Variants in TTC28 observed in about 807,000 individuals in gnomAD.
TTC28 encodes the protein tetratricopeptide repeat protein 28.
In TTC28, 61 loss-of-function variants were observed where a neutral mutation model predicts 198.0. The ratio of observed to expected loss-of-function variants is 0.31; its 90% confidence interval spans 0.25 to 0.38. TTC28 has a LOEUF of 0.38. Ranked by LOEUF, TTC28 falls within the 10% of genes least tolerant of loss-of-function variation. The pLI is 1.00. For missense variants in TTC28, 2,678 were observed against 3,164.0 expected, an observed-to-expected ratio of 0.85 and a Z score of 3.69; for synonymous variants, 1,171 against 1,297.8, an observed-to-expected ratio of 0.90 and a Z score of 2.10.
In TTC28 at chr22:28,222,413, G is replaced by A. The variant is rs547011711; in HGVS notation, c.934-58814C>T. On this transcript the variant is annotated intron_variant, in intron 5 of 22. Transcript: ENST00000397906. ...GATTTTAAGTCCCTATCCTTTTGCT[G>A]ACAAGAAAAACATGTCTTGGCACTT... Among the ~76,000 whole-genome samples, 36 of 152,294 alleles carry A rather than the reference G, an allele frequency of 2.4e-4. No homozygotes were observed. In the South Asian group the frequency reaches 3.5e-3, roughly 15 times the overall value.
Position 28,273,443 on chromosome 22 carries a change from C to CA in TTC28, c.933+22754dup, listed in dbSNP as rs537755097. Among the ~76,000 whole-genome samples, 643 of 150,408 alleles carry CA rather than the reference C, an allele frequency of 4.3e-3. 3 individuals carry two copies. The highest frequency in any genetic ancestry group is 0.015 in the African/African-American group (616 of 40,904). On this transcript the variant is annotated intron_variant, in intron 5 of 22. Transcript: ENST00000397906. ...TGTTAAAAAAAAGAAATTGAAATTC[C>CA]AAAAAAATAACTAAAATTAACAATG... is the stretch of plus-strand genomic sequence containing the variant.
rs150266760 is a variant in TTC28 at position 28,607,254 on chromosome 22, G to C, written c.381+22298C>G. Among the ~76,000 whole-genome samples the C allele has an allele frequency of 1.8e-3, 278 of 152,232 alleles. 3 individuals are homozygous for C. The highest frequency in any genetic ancestry group is 6.4e-3 in the African/African-American group (267 of 41,526). ...TTCATTTCCTTATGAAGGCTCTCAT[G>C]TCATGTAAAACTTGGGTTAAATACA... On this transcript the variant is annotated intron_variant, in intron 2 of 22. Transcript: ENST00000397906.
At chr22:28,098,858 G>A (rs561257432) in intron 10 of TTC28, 57 bp downstream of exon 10, 58 of 1,524,188 alleles carry the variant, frequency 3.8e-5, no homozygotes, top group Middle Eastern at 3.8e-4. Flanking sequence ...ACACATGGAC[G>A]CGCACCCGTG....
chr22:28,074,390 G>A (rs1941099005), intron 12 of TTC28, among the ~76,000 whole-genome samples: 1 of 152,212 alleles, frequency 6.6e-6, no homozygotes, highest in African/African-American at 2.4e-5. Context: ...AGGACTGAAT[G>A]TCTGAATTAA....
Position 28,108,318 on chromosome 22 carries a change from A to C in TTC28, c.1527T>G (p.Asp509Glu). Residue 509 changes from aspartate to glutamate, a missense_variant, in exon 7 of 23, where the codon GAT becomes GAG. Physicochemically the swap from Asp to Glu is conservative, Grantham distance 45. Around this residue, in one of 8 missense-constraint regions of TTC28, gnomAD observed 775 missense variants for 845.9 expected, o/e 0.92. Coordinates refer to ENST00000397906, the MANE Select transcript of TTC28 (RefSeq NM_001145418.2). ...THLCIAQELS[D>E]YAAQGRAYGN... The stretch of plus-strand genomic sequence containing the variant: ...CATAGGCACGGCCCTGGGCAGCATA[A>C]TCACTCAGCTCCTGGGCAATGCACA... The C allele has an allele frequency of 6.5e-7, 1 of 1,527,084 alleles. No individual in the cohort carries two copies. The highest frequency in any genetic ancestry group is 8.9e-7 in the Non-Finnish European group (1 of 1,129,824). The allele number at this position is 1,527,084 out of a possible 1,614,324, so 94.6% of individuals were successfully genotyped here. A position where few individuals can be genotyped will look rare whatever the true frequency, so the allele number is the denominator to read the frequency against.
At chr22:28,058,498 A>C (rs73427712) in intron 12 of TTC28, among the ~76,000 whole-genome samples, 7,441 of 152,136 alleles carry the variant, frequency 0.049, 597 homozygotes, top group African/African-American at 0.17. Context: ...ATAAAGCTAC[A>C]TGGTCATGCT....
intron 5 of TTC28, among the ~76,000 whole-genome samples, chr22:28,288,419 G>A (rs191441006): frequency 5.9e-5 from 9 of 152,234 alleles, no homozygotes; most frequent in East Asian, 1.9e-4. Flanking sequence ...AAATAAGTGC[G>A]ATGCTCATCA....
intron 12 of TTC28, among the ~76,000 whole-genome samples, chr22:28,061,775 G>A (rs1019280950): frequency 7.2e-5 from 11 of 152,316 alleles, no homozygotes; most frequent in Middle Eastern, 3.4e-3. Flanking sequence ...GTAGCTTGAT[G>A]GGGATAGCAT....
chr22:28,436,943 T>C (rs2047529115), intron 2 of TTC28, among the ~76,000 whole-genome samples: 1 of 152,204 alleles, frequency 6.6e-6, no homozygotes. Flanking sequence ...TAAACTACAA[T>C]ACGCCACAAC....
At chr22:28,138,697 C>G (rs767883993) in intron 6 of TTC28, among the ~76,000 whole-genome samples, 4 of 152,156 alleles carry the variant, frequency 2.6e-5, no homozygotes, top group Non-Finnish European at 4.4e-5. Context: ...ATAGAAAACC[C>G]CACAGGCAGT....
At chr22:28,086,868 G>A (rs1248700506) in intron 12 of TTC28, among the ~76,000 whole-genome samples, 1 of 151,952 alleles carries the variant, frequency 6.6e-6, no homozygotes, top group East Asian at 1.9e-4. Flanking sequence ...TACCATCAGA[G>A]AATACTACAA....
intron 2 of TTC28, among the ~76,000 whole-genome samples, chr22:28,444,611 TAC>T (rs1274335940): frequency 6.6e-6 from 1 of 152,148 alleles, no homozygotes; most frequent in East Asian, 1.9e-4. Context: ...AGGAAGGTCT[TAC>T]AGTTCCATTT....
At chr22:28,306,473 C>T in intron 3 of TTC28, 23 bp downstream of exon 3, 1 of 1,543,950 alleles carries the variant, frequency 6.5e-7, no homozygotes, top group South Asian at 1.2e-5. Flanking sequence ...TAATGTTATA[C>T]CAAGTACTTT....
intron 2 of TTC28, among the ~76,000 whole-genome samples, chr22:28,436,712 G>A (rs191334643): frequency 1.1e-4 from 17 of 152,316 alleles, no homozygotes; most frequent in African/African-American, 4.1e-4. Flanking sequence ...CACACTAAGA[G>A]CTAGGTGCCA....
At position 28,574,353 on chromosome 22, in the gene TTC28, TTG is replaced by T. The variant is rs145439302; in HGVS notation, c.381+55197_381+55198del. Among the ~76,000 whole-genome samples, 459 of 147,888 alleles carry T rather than the reference TTG, an allele frequency of 3.1e-3. 2 individuals carry two copies. The highest frequency in any genetic ancestry group is 8.2e-3 in the African/African-American group (336 of 40,754). On this transcript the variant is annotated intron_variant, in intron 2 of 22. Coordinates refer to ENST00000397906, the MANE Select transcript of TTC28 (RefSeq NM_001145418.2). ...TTGTGGCCGAATAGTACTCCACTGT[TTG>T]TGTGTGTGTGTGTGTGTGTGTTGTG... is the stretch of plus-strand genomic sequence containing the variant.
At chr22:28,549,957 C>T (rs961027920) in intron 2 of TTC28, among the ~76,000 whole-genome samples, 1 of 152,182 alleles carries the variant, frequency 6.6e-6, no homozygotes, top group African/African-American at 2.4e-5. Flanking sequence ...GTTTCTTCTG[C>T]TCACAATCAA....
At chr22:28,241,599 G>C (rs1260504819) in intron 5 of TTC28, among the ~76,000 whole-genome samples, 3 of 151,982 alleles carry the variant, frequency 2.0e-5, no homozygotes, top group Non-Finnish European at 4.4e-5. Context: ...CAAATGGTTC[G>C]AGATTAAAAA....
chr22:28,625,375 A>T (rs1039494431), intron 2 of TTC28, among the ~76,000 whole-genome samples: 39 of 152,232 alleles, frequency 2.6e-4, no homozygotes, highest in African/African-American at 6.5e-4. Flanking sequence ...CACATGACAC[A>T]AAGTACAGAA....
chr22:28,632,205 T>C (rs1220603631), intron 1 of TTC28, among the ~76,000 whole-genome samples: 2 of 148,024 alleles, frequency 1.4e-5, no homozygotes, highest in East Asian at 4.1e-4. Flanking sequence ...ATTCAAAACA[T>C]TAAAGGATTC....
Sources: gnomAD v4.1 joint callset for allele counts (sites outside exome capture counted in the v4.1 genomes callset) on GRCh38, gnomAD v4.1.1 for gene constraint, gnomAD v4.1.1 regional missense constraint, MANE v1.5 for transcripts, NCBI Gene and HGNC (gene_info 2026-07-23, HGNC 2026-07-21) for gene names.